Variants in PPP1R17 observed in about 807,000 individuals in gnomAD.
The protein encoded by PPP1R17 is G-substrate.
PPP1R17 carries 12 observed loss-of-function variants against 15.9 expected under a neutral mutation model. That is an observed-to-expected ratio of 0.75 (90% CI 0.48 to 1.22). PPP1R17 has a LOEUF of 1.22. PPP1R17 is among the 50% of genes most tolerant of loss of function. The pLI, the probability that PPP1R17 is intolerant of heterozygous loss-of-function variation, is 0.00. For synonymous variants in PPP1R17, 63 were observed against 64.5 expected (o/e 0.98, Z 0.11); for missense variants, 211 against 187.3 (o/e 1.13, Z -0.74).
intron 2 of PPP1R17, 41 bp from the exon 3 acceptor site, chr7:31,695,428 C>A: frequency 6.5e-7 from 1 of 1,540,328 alleles, no homozygotes; most frequent in Admixed American, 2.0e-5. Flanking sequence ...GATCCTTAAT[C>A]ATGTTATATT....
intron 1 of PPP1R17, among the ~76,000 whole-genome samples, chr7:31,687,801 G>C (rs1792166891): frequency 6.6e-6 from 1 of 152,152 alleles, no homozygotes; most frequent in South Asian, 2.1e-4. Flanking sequence ...CATAGCCAGA[G>C]GGTGCATTAA....
intron 4 of PPP1R17, among the ~76,000 whole-genome samples, chr7:31,702,595 A>C (rs1583853237): frequency 6.6e-6 from 1 of 152,308 alleles, no homozygotes; most frequent in East Asian, 1.9e-4. Flanking sequence ...CACAGCATGC[A>C]AATACCCAAA....
intron 4 of PPP1R17, 58 bp downstream of exon 4, chr7:31,697,175 A>C: frequency 6.3e-7 from 1 of 1,584,394 alleles, no homozygotes; most frequent in Non-Finnish European, 8.6e-7. Flanking sequence ...CAAGAACCTT[A>C]CCATCTGGAG....
chr7:31,700,567 G>A (rs1423354894), intron 4 of PPP1R17, among the ~76,000 whole-genome samples: 1 of 152,150 alleles, frequency 6.6e-6, no homozygotes, highest in Non-Finnish European at 1.5e-5. Context: ...GGTGAGAGTG[G>A]CTACACTAAA....
chr7:31,693,377 T>C (rs755061867), intron 2 of PPP1R17, among the ~76,000 whole-genome samples: 12 of 152,266 alleles, frequency 7.9e-5, no homozygotes, highest in Non-Finnish European at 1.6e-4. Context: ...ATGTAAAATA[T>C]TGGGGAAAGA....
At position 31,695,533 on chromosome 7, in the gene PPP1R17, T is replaced by C. The variant is rs148868080; in HGVS notation, c.147T>C (p.Asn49=). The C allele has an allele frequency of 1.6e-4, 256 of 1,613,600 alleles. 2 individuals are homozygous for C. In the African/African-American group the frequency reaches 2.8e-3, roughly 17 times the overall value. Residue 49 remains asparagine (N), a synonymous_variant, in exon 3 of 5, where the codon AAT becomes AAC. Coordinates refer to ENST00000342032, the MANE Select transcript of PPP1R17 (RefSeq NM_006658.5). ...AAAAGAAGCCTAGAAAGGGAAAAAA[T>C]GTACAGGCCACCCTGAATGTTGAGT... The part of the protein sequence containing the change: ...DLKKKPRKGK[N]VQATLNVESD...
chr7:31,695,307 A>G (rs1447854818), intron 2 of PPP1R17, among the ~76,000 whole-genome samples, 162 bp from the exon 3 acceptor site: 1 of 152,196 alleles, frequency 6.6e-6, no homozygotes, highest in Non-Finnish European at 1.5e-5. Context: ...ATGCAAGGCT[A>G]ATAAAGTCCT....
In PPP1R17 at chr7:31,697,089, T is replaced by C. The variant is rs1792617466; in HGVS notation, c.360T>C (p.Pro120=). The C allele has an allele frequency of 6.2e-7, 1 of 1,614,064 alleles. No homozygotes were observed. ...AAAAGCCAAGGAGAAAAGACACACC[T>C]GCCCTGCACATGTCCCCCTTTGCAG... is the stretch of plus-strand genomic sequence containing the variant. ...EQKKPRRKDT[P]ALHMSPFAAG... Residue 120 remains proline (P), a synonymous_variant, in exon 4 of 5, where the codon CCT becomes CCC. Coordinates refer to ENST00000342032, the MANE Select transcript of PPP1R17 (RefSeq NM_006658.5).
intron 4 of PPP1R17, among the ~76,000 whole-genome samples, chr7:31,703,344 G>A (rs886621589): frequency 6.6e-6 from 1 of 152,218 alleles, no homozygotes; most frequent in Non-Finnish European, 1.5e-5. Flanking sequence ...TACCTGGCAT[G>A]AGTGCTGCCT....
intron 3 of PPP1R17, 52 bp downstream of exon 3, chr7:31,695,673 G>A (rs1160343828): frequency 1.9e-6 from 3 of 1,541,220 alleles, no homozygotes; most frequent in Non-Finnish European, 2.6e-6. Context: ...CTTGCCACTA[G>A]GTTGCATTGT....
At chr7:31,705,611 A>G (rs1207794667) in intron 4 of PPP1R17, among the ~76,000 whole-genome samples, 1 of 152,264 alleles carries the variant, frequency 6.6e-6, no homozygotes, top group African/African-American at 2.4e-5. Context: ...ATGAATAGTC[A>G]TTAAGATCAA....
rs139729761 is a variant in PPP1R17 at position 31,699,614 on chromosome 7, C to T, written c.388+2497C>T. ...GCCTACCTCATTCCATTTCTCTTCA[C>T]TTTTTTGTGCTTTTCAGATATTGGT... On this transcript the variant is annotated intron_variant, in intron 4 of 4. Transcript: ENST00000342032. Among the ~76,000 whole-genome samples the T allele has an allele frequency of 1.7e-3, 263 of 151,802 alleles. 1 individual carries two copies. Among genetic ancestry groups the T allele is most frequent in the African/African-American group, 6.1e-3 (252 of 41,416 alleles).
Position 31,707,246 on chromosome 7 carries a change from A to G in PPP1R17, c.431A>G (p.Glu144Gly). 1.2e-6 allele frequency: 2 copies of G among 1,614,100 alleles called. No homozygotes were observed. Among genetic ancestry groups the G allele is most frequent in the Non-Finnish European group, 1.7e-6 (2 of 1,179,948 alleles). ...GACGAGAGACCCAAAGCAATCGTGG[A>G]AGATGACGAAAAGGATGGTGACAAG... ...LRDERPKAIV[E>G]DDEKDGDKIA... Residue 144 changes from glutamate to glycine, a missense_variant, in exon 5 of 5, where the codon GAA becomes GGA. Glu to Gly is a moderately conservative substitution (Grantham distance 98, BLOSUM62 -2). Coordinates refer to ENST00000342032, the MANE Select transcript of PPP1R17 (RefSeq NM_006658.5).
intron 4 of PPP1R17, among the ~76,000 whole-genome samples, chr7:31,706,917 C>T (rs1230520697): frequency 6.6e-6 from 1 of 152,202 alleles, no homozygotes; most frequent in Non-Finnish European, 1.5e-5. Flanking sequence ...TTCCATCCCG[C>T]CATGCTGCAA....
chr7:31,689,963 C>T (rs1192783244), intron 1 of PPP1R17, among the ~76,000 whole-genome samples: 1 of 152,232 alleles, frequency 6.6e-6, no homozygotes, highest in Non-Finnish European at 1.5e-5. Flanking sequence ...AGTGTTGTTT[C>T]TCCCATAGAC....
Position 31,707,360 on chromosome 7 carries a change from T to G in PPP1R17, c.*77T>G, listed in dbSNP as rs1223788215. On this transcript the variant is annotated 3_prime_UTR_variant, in exon 5 of 5. Coordinates refer to ENST00000342032, the MANE Select transcript of PPP1R17 (RefSeq NM_006658.5). ...TGACCTAGAGAAAAAATAGACTTGT[T>G]TCTGCTCTCATTTTTGTCATCGTCT... 13 of 1,244,198 alleles carry G rather than the reference T, an allele frequency of 1.0e-5. No homozygotes were observed. The highest frequency in any genetic ancestry group is 2.3e-6 in the Non-Finnish European group (2 of 881,026). 77.1% of individuals were successfully genotyped at this position (1,244,198 alleles called of 1,614,324 possible). A position where few individuals can be genotyped will look rare whatever the true frequency, so the allele number is the denominator to read the frequency against.
intron 4 of PPP1R17, among the ~76,000 whole-genome samples, chr7:31,698,483 C>T (rs1450522786): frequency 6.6e-6 from 1 of 152,176 alleles, no homozygotes; most frequent in Non-Finnish European, 1.5e-5. Context: ...GTTTCTTTCA[C>T]ACACACACAT....
At chr7:31,703,979 G>A (rs1273545301) in intron 4 of PPP1R17, among the ~76,000 whole-genome samples, 1 of 152,130 alleles carries the variant, frequency 6.6e-6, no homozygotes, top group East Asian at 1.9e-4. Context: ...AGAAAGCATT[G>A]GTTCTGACTA....
chr7:31,699,177 G>A (rs1339580083), intron 4 of PPP1R17, among the ~76,000 whole-genome samples: 2 of 72,310 alleles, frequency 2.8e-5, no homozygotes, highest in African/African-American at 7.3e-5. Flanking sequence ...AAGAGGAAAG[G>A]TTCTGAGGAC....
Sources: gnomAD v4.1 joint callset for allele counts (sites outside exome capture counted in the v4.1 genomes callset) on GRCh38, gnomAD v4.1.1 for gene constraint, MANE v1.5 for transcripts, NCBI Gene and HGNC (gene_info 2026-07-23, HGNC 2026-07-21) for gene names.